DACH2: variants seen among roughly 807,000 people sequenced by gnomAD.
DACH2 encodes the protein dachshund family transcription factor 2.
DACH2 carries 17 observed loss-of-function variants against 35.8 expected under a neutral mutation model. The observed-to-expected ratio is 0.48, with a 90% CI of 0.33 to 0.71. The LOEUF (loss-of-function observed/expected upper bound fraction) is 0.71. Among genes scored for constraint, DACH2 ranks in the 30% least tolerant of loss-of-function variants. The pLI, the probability that DACH2 is intolerant of heterozygous loss-of-function variation, is 0.02. For synonymous variants in DACH2, 195 were observed against 177.3 expected (o/e 1.10, Z -0.79); for missense variants, 469 against 472.7 (o/e 0.99, Z 0.07).
chrX:86,527,396 A>G (rs1444711514), intron 3 of DACH2, among the ~76,000 whole-genome samples: 2 of 111,295 alleles, frequency 1.8e-5, no homozygotes, highest in Non-Finnish European at 3.8e-5. Flanking sequence ...TATTCTGTCA[A>G]TATATATTAG....
intron 1 of DACH2, among the ~76,000 whole-genome samples, chrX:86,243,220 A>C (rs137945674): frequency 0.03 from 3,375 of 111,443 alleles, 130 homozygotes; most frequent in African/African-American, 0.1. Flanking sequence ...GATACAAAGG[A>C]GCAGATACAT....
intron 2 of DACH2, among the ~76,000 whole-genome samples, chrX:86,388,708 T>C (rs931653775): frequency 9.0e-6 from 1 of 111,717 alleles, no homozygotes; most frequent in Non-Finnish European, 1.9e-5. Flanking sequence ...GGTCTTTCCT[T>C]TCTTAATATT....
chrX:86,293,604 T>A (rs2034363379), intron 1 of DACH2, among the ~76,000 whole-genome samples: 1 of 110,623 alleles, frequency 9.0e-6, no homozygotes, highest in South Asian at 4.0e-4. Flanking sequence ...CAGGAGCTCT[T>A]TTAGGGCAGG....
chrX:86,820,653 T>C (rs948585701), intron 11 of DACH2, among the ~76,000 whole-genome samples: 1 of 111,316 alleles, frequency 9.0e-6, no homozygotes, highest in Non-Finnish European at 1.9e-5. Context: ...ACATCTATTA[T>C]AATATATTAA....
chrX:86,372,037 A>G (rs2035894452), intron 1 of DACH2, among the ~76,000 whole-genome samples: 1 of 111,510 alleles, frequency 9.0e-6, no homozygotes, highest in African/African-American at 3.2e-5. Flanking sequence ...ATATGGCAGT[A>G]TATGTCAACA....
At chrX:86,179,775 G>A (rs1182146354) in intron 1 of DACH2, among the ~76,000 whole-genome samples, 3 of 111,125 alleles carry the variant, frequency 2.7e-5, no homozygotes, top group African/African-American at 9.8e-5. Flanking sequence ...GTAAAGCAAT[G>A]AGATTGCACC....
intron 2 of DACH2, among the ~76,000 whole-genome samples, chrX:86,450,393 G>A (rs912152280): frequency 9.0e-6 from 1 of 111,203 alleles, no homozygotes; most frequent in Non-Finnish European, 1.9e-5. Context: ...TCCCTGAAAA[G>A]GACATGTTTT....
At chrX:86,665,956 A>G (rs904718201) in intron 4 of DACH2, among the ~76,000 whole-genome samples, 1 of 111,629 alleles carries the variant, frequency 9.0e-6, no homozygotes, top group Non-Finnish European at 1.9e-5. Context: ...TGGATTTTGT[A>G]TTGCATACAG....
intron 7 of DACH2, among the ~76,000 whole-genome samples, chrX:86,788,431 G>C (rs1487505589): frequency 1.8e-5 from 2 of 111,197 alleles, no homozygotes; most frequent in Non-Finnish European, 3.8e-5. Flanking sequence ...TCTCTTGCCT[G>C]TTCATTTCCA....
At chrX:86,178,756 A>G (rs1008030097) in intron 1 of DACH2, among the ~76,000 whole-genome samples, 4 of 111,510 alleles carry the variant, frequency 3.6e-5, no homozygotes, top group African/African-American at 1.3e-4. Context: ...TTTAAGATTA[A>G]TAAGCCTCAT....
intron 3 of DACH2, among the ~76,000 whole-genome samples, chrX:86,516,956 T>C (rs1456774165): frequency 9.0e-6 from 1 of 111,606 alleles, no homozygotes; most frequent in Non-Finnish European, 1.9e-5. Flanking sequence ...TTCAATCTGT[T>C]ATTGATGGGC....
intron 1 of DACH2, among the ~76,000 whole-genome samples, chrX:86,208,278 TA>T (rs2032364803): frequency 9.0e-6 from 1 of 110,796 alleles, no homozygotes; most frequent in Admixed American, 9.7e-5. Context: ...AGGAAAAACA[TA>T]AAAATGTAGC....
At chrX:86,395,013 C>T (rs1024644094) in intron 2 of DACH2, among the ~76,000 whole-genome samples, 3 of 111,704 alleles carry the variant, frequency 2.7e-5, no homozygotes, top group South Asian at 3.7e-4. Flanking sequence ...CTATTGCTAT[C>T]GATGTGTTTG....
intron 1 of DACH2, among the ~76,000 whole-genome samples, chrX:86,284,112 C>G (rs1217608122): frequency 9.0e-6 from 1 of 111,319 alleles, no homozygotes; most frequent in Non-Finnish European, 1.9e-5. Context: ...TCTGATTGCT[C>G]TAGCTAAAAC....
intron 2 of DACH2, among the ~76,000 whole-genome samples, chrX:86,496,767 C>G (rs2038178199): frequency 9.1e-6 from 1 of 110,021 alleles, no homozygotes; most frequent in African/African-American, 3.3e-5. Flanking sequence ...TCAAGCAGAA[C>G]CTAAATGGCT....
chrX:86,428,284 A>T (rs767666692), intron 2 of DACH2, among the ~76,000 whole-genome samples: 3 of 112,180 alleles, frequency 2.7e-5, no homozygotes, highest in Admixed American at 1.9e-4. Context: ...CTTTGAAATT[A>T]ATATTGTACA....
chrX:86,450,298 C>T lies in DACH2; in HGVS notation c.528-63981C>T, dbSNP rs746824399. ...TCCATGTGTTCTTATCATTCAGCTC[C>T]CACTTATAAGTGAGAACATGCAGTG... is the stretch of plus-strand genomic sequence containing the variant. On this transcript the variant is annotated intron_variant, in intron 2 of 11. Transcript: ENST00000373125. Among the ~76,000 whole-genome samples, 8 of 111,183 alleles carry T rather than the reference C, an allele frequency of 7.2e-5. No homozygotes were observed. The East Asian group carries it at 2.3e-3, about 32-fold the overall frequency.
At chrX:86,682,380 G>A (rs1250148835) in intron 4 of DACH2, among the ~76,000 whole-genome samples, 1 of 111,606 alleles carries the variant, frequency 9.0e-6, no homozygotes, top group Non-Finnish European at 1.9e-5. Flanking sequence ...ACAAGCGTGG[G>A]AAAATCAGTC....
chrX:86,213,520 C>G (rs1173588098), intron 1 of DACH2, among the ~76,000 whole-genome samples: 2 of 111,166 alleles, frequency 1.8e-5, no homozygotes, highest in African/African-American at 6.5e-5. Flanking sequence ...TTTTAAGTCT[C>G]GTTTTCCTTG....
Sources: allele counts gnomAD v4.1 joint callset (sites outside exome capture counted in the v4.1 genomes callset), GRCh38; gene constraint gnomAD v4.1.1; transcripts MANE v1.5; gene names NCBI Gene and HGNC (gene_info 2026-07-23, HGNC 2026-07-21).